GPR180: variants seen among roughly 807,000 people sequenced by gnomAD.
GPR180 encodes integral membrane protein GPR180.
In GPR180, 53 loss-of-function variants were observed where a neutral mutation model predicts 52.6. The ratio of observed to expected loss-of-function variants is 1.01; its 90% CI spans 0.81 to 1.27. The LOEUF is 1.27. Ranked by LOEUF, GPR180 falls within the 50% of genes most tolerant of loss-of-function variation. The pLI is 0.00. For missense variants in GPR180, 533 were observed against 527.0 expected (o/e 1.01, Z -0.11); for synonymous variants, 200 against 193.1 (o/e 1.04, Z -0.30).
At chr13:94,614,410 CT>C (rs1195083028) in intron 3 of GPR180, among the ~76,000 whole-genome samples, 1 of 152,192 alleles carries the variant, frequency 6.6e-6, no homozygotes, top group Non-Finnish European at 1.5e-5. Flanking sequence ...TCCTGATATG[CT>C]TTTACTTGCC....
chr13:94,621,000 AG>A, intron 5 of GPR180, 77 bp from the exon 6 acceptor site: 4 of 1,278,148 alleles, frequency 3.1e-6, no homozygotes, highest in East Asian at 2.7e-5. Context: ...AAAAAAAAAA[AG>A]ATGTTCTCAA....
chr13:94,605,675 C>T, intron 2 of GPR180, 126 bp downstream of exon 2: 1 of 725,820 alleles, frequency 1.4e-6, no homozygotes, highest in South Asian at 2.6e-5. Flanking sequence ...GACACTTTGT[C>T]TAGTACATTT....
chr13:94,618,338 G>T (rs1889803951), intron 3 of GPR180, among the ~76,000 whole-genome samples: 1 of 151,220 alleles, frequency 6.6e-6, no homozygotes, highest in South Asian at 2.1e-4. Flanking sequence ...TACGTTGTTG[G>T]CCCCTTGCAT....
At chr13:94,621,297 C>T in intron 6 of GPR180, 62 bp downstream of exon 6, 2 of 1,299,586 alleles carry the variant, frequency 1.5e-6, no homozygotes, top group South Asian at 2.0e-5. Context: ...TTGAGCATAC[C>T]TCATTTCAGA....
At chr13:94,610,491 G>A (rs1889688467) in intron 2 of GPR180, among the ~76,000 whole-genome samples, 1 of 152,102 alleles carries the variant, frequency 6.6e-6, no homozygotes, top group African/African-American at 2.4e-5. Flanking sequence ...AGCAGGGCAG[G>A]TATCTTTATT....
At chr13:94,618,420 A>ATTTTTGTTTTTTTTTTTTT (rs1889806137) in intron 3 of GPR180, among the ~76,000 whole-genome samples, 1 of 87,156 alleles carries the variant, frequency 1.1e-5, no homozygotes, top group African/African-American at 6.3e-5. Flanking sequence ...TCAGCACAGG[A>ATTTTTGTTTTTTTTTTTTT]TTTTTTTTTT....
intron 3 of GPR180, among the ~76,000 whole-genome samples, chr13:94,618,024 A>T (rs1018249948): frequency 8.5e-5 from 13 of 152,234 alleles, no homozygotes; most frequent in African/African-American, 2.9e-4. Context: ...AAAGTGACAT[A>T]ATAAGGTTAC....
Position 94,605,556 on chromosome 13 carries a change from A to C in GPR180, c.304+7A>C. On this transcript the variant is annotated splice_region_variant and intron_variant, in intron 2 of 8. Transcript: ENST00000376958. ...TCCAAAGCTCAGTTGACAAGTGAGT[A>C]TATCCTTTTTTCTTTGATCATTAGA... The C allele has an allele frequency of 6.2e-7, 1 of 1,603,900 alleles. No homozygotes were observed. The highest frequency in any genetic ancestry group is 8.5e-7 in the Non-Finnish European group (1 of 1,173,686).
At chr13:94,626,097 T>C in intron 8 of GPR180, 54 bp downstream of exon 8, 10 of 1,234,710 alleles carry the variant, frequency 8.1e-6, no homozygotes, top group Non-Finnish European at 1.2e-5. Context: ...TTGTCTTAAT[T>C]GGGAGAATAT....
Position 94,605,383 on chromosome 13 carries a change from A to T in GPR180, c.146-8A>T, listed in dbSNP as rs757071593. 2 of 1,613,740 alleles carry T rather than the reference A, an allele frequency of 1.2e-6. No individual in the cohort carries two copies. Among genetic ancestry groups the T allele is most frequent in the South Asian group, 2.2e-5 (2 of 91,008 alleles). ...AAACTAGTTGATGATTTTTGTTTTA[A>T]TGTCAAGGTGACCATGCTCTTCTGT... On this transcript the variant is annotated splice_polypyrimidine_tract_variant and splice_region_variant and intron_variant, in intron 1 of 8. Coordinates refer to ENST00000376958, the MANE Select transcript of GPR180 (RefSeq NM_180989.6).
chr13:94,604,906 C>T (rs1889609804), intron 1 of GPR180, among the ~76,000 whole-genome samples: 1 of 152,060 alleles, frequency 6.6e-6, no homozygotes, highest in Non-Finnish European at 1.5e-5. Flanking sequence ...TCGTAGATAC[C>T]AAATTTTGTT....
intron 3 of GPR180, among the ~76,000 whole-genome samples, chr13:94,618,420 A>AGTTTTTTTTTTT (rs1889805818): frequency 2.3e-5 from 2 of 87,156 alleles, no homozygotes; most frequent in African/African-American, 6.3e-5. Flanking sequence ...TCAGCACAGG[A>AGTTTTTTTTTTT]TTTTTTTTTT....
rs1301447496 is a variant in GPR180 at position 94,623,118 on chromosome 13, C to T, written c.904C>T (p.Leu302=). The part of the protein sequence containing the change: ...VFIVMTQSVL[L]LWEQFEDISH... ...TGTTTTTCTTTTGCAGAGTGTTTTG[C>T]TACTTTGGGAACAGTTTGAAGATAT... is the stretch of plus-strand genomic sequence containing the variant. Residue 302 remains leucine (L), a synonymous_variant, in exon 7 of 9, where the codon CTA becomes TTA. Transcript: ENST00000376958. 2.5e-6 allele frequency: 4 copies of T among 1,605,660 alleles called. No homozygotes were observed. Among genetic ancestry groups the T allele is most frequent in the South Asian group, 2.2e-5 (2 of 90,144 alleles).
intron 1 of GPR180, among the ~76,000 whole-genome samples, chr13:94,604,516 GGAGGTGGAGGTTGCAGT>G (rs1354402129): frequency 2.0e-5 from 3 of 152,174 alleles, no homozygotes; most frequent in African/African-American, 7.2e-5. Context: ...CTTGAACCTG[GGAGGTGGAGGTTGCAGT>G]GAGCCGAGAT....
Position 94,627,219 on chromosome 13 carries a change from A to G in GPR180, c.*48A>G, listed in dbSNP as rs1321347590. 39 of 1,525,512 alleles carry G rather than the reference A, an allele frequency of 2.6e-5. No homozygotes were observed. The highest frequency in any genetic ancestry group is 3.3e-5 in the Non-Finnish European group (37 of 1,110,806). The allele number at this position is 1,525,512 out of a possible 1,614,324, so 94.5% of individuals were successfully genotyped here. ...AAAGTGAATTGGTTAAAAGAGTGCA[A>G]TAAGGATCCAAATACAGTGACTTTT... On this transcript the variant is annotated 3_prime_UTR_variant, in exon 9 of 9. Transcript: ENST00000376958.
rs1889951816 is a variant in GPR180, at chr13:94,628,249, C to T, written c.*1078C>T. ...TACTTTTGTGTGTGTGTGTGATGCC[C>T]CAGTATTGAGTATGCTAGCTAAAAA... On this transcript the variant is annotated 3_prime_UTR_variant, in exon 9 of 9. Transcript: ENST00000376958. The T allele has an allele frequency of 6.6e-6, 1 of 152,232 alleles. No homozygotes were observed. The highest frequency in any genetic ancestry group is 1.5e-5 in the Non-Finnish European group (1 of 67,854). 9.4% of individuals were successfully genotyped at this position (152,232 alleles called of 1,614,324 possible). A position where few individuals can be genotyped will look rare whatever the true frequency, so the allele number is the denominator to read the frequency against.
chr13:94,607,578 G>A (rs181041908), intron 2 of GPR180, among the ~76,000 whole-genome samples: 54 of 152,226 alleles, frequency 3.5e-4, no homozygotes, highest in Non-Finnish European at 3.5e-4. Context: ...TTCCTGCATA[G>A]CACTTACTAT....
rs374793248 is a variant in GPR180, at chr13:94,601,862, C to T, written c.-66C>T. ...GCGCCCACCCCGCCTCCCCCAGCTG[C>T]CGACGTGGGGCGGGCAGCCGCCGGC... On this transcript the variant is annotated 5_prime_UTR_variant, in exon 1 of 9. Coordinates refer to ENST00000376958, the MANE Select transcript of GPR180 (RefSeq NM_180989.6). 2.4e-3 allele frequency: 3,183 copies of T among 1,322,270 alleles called. 83 individuals are homozygous for T. The African/African-American group carries it at 0.044, about 18-fold the overall frequency. The allele number at this position is 1,322,270 out of a possible 1,614,324, so 81.9% of individuals were successfully genotyped here.
chr13:94,605,601 A>G, intron 2 of GPR180, 52 bp downstream of exon 2: 1 of 1,451,208 alleles, frequency 6.9e-7, no homozygotes, highest in Non-Finnish European at 9.5e-7. Flanking sequence ...TTTCCTCCTA[A>G]TGTTGAAATA....
Sources: gnomAD v4.1 joint callset for allele counts (sites outside exome capture counted in the v4.1 genomes callset) on GRCh38, gnomAD v4.1.1 for gene constraint, MANE v1.5 for transcripts, NCBI Gene and HGNC (gene_info 2026-07-23, HGNC 2026-07-21) for gene names.